NRG1: variants seen among roughly 807,000 people sequenced by gnomAD.
NRG1 encodes pro-neuregulin-1, membrane-bound isoform.
Under a neutral mutation model 63.8 loss-of-function variants are expected in NRG1, and 18 were observed. That is an observed-to-expected ratio of 0.28 (90% CI 0.19 to 0.42). The LOEUF (loss-of-function observed/expected upper bound fraction) is 0.42. NRG1 is among the 10% of genes least tolerant of loss of function. NRG1 has a pLI of 1.00. For missense variants in NRG1, 762 were observed against 814.7 expected (o/e 0.94, Z 0.79); for synonymous variants, 302 against 301.3 (o/e 1.00, Z -0.02).
At chr8:32,647,381 G>T in intron 5 of NRG1, 1 of 985,340 alleles carries the variant, frequency 1.0e-6, no homozygotes, top group Non-Finnish European at 1.2e-6. Flanking sequence ...TGGGCTACTG[G>T]TTTACTTAAT....
chr8:32,258,698 A>C (rs1264236684), intron 1 of NRG1, among the ~76,000 whole-genome samples: 2 of 152,302 alleles, frequency 1.3e-5, no homozygotes, highest in East Asian at 3.9e-4. Context: ...ACTCACTATC[A>C]CAAGGTTTTT....
chr8:32,453,384 A>T (rs1000226118), intron 1 of NRG1, among the ~76,000 whole-genome samples: 1 of 152,158 alleles, frequency 6.6e-6, no homozygotes. Flanking sequence ...CATGTTCATT[A>T]TTTCTGATTC....
intron 1 of NRG1, among the ~76,000 whole-genome samples, chr8:32,234,391 A>G (rs1246188140): frequency 6.6e-6 from 1 of 152,178 alleles, no homozygotes; most frequent in Non-Finnish European, 1.5e-5. Flanking sequence ...TAACCTTCAC[A>G]ACAATTCCAT....
chr8:31,853,923 T>C (rs1463518470), intron 1 of NRG1, among the ~76,000 whole-genome samples: 1 of 151,624 alleles, frequency 6.6e-6, no homozygotes, highest in Non-Finnish European at 1.5e-5. Context: ...TTTATTGATT[T>C]GCGTGTATTG....
At chr8:32,336,067 C>A (rs1803226159) in intron 1 of NRG1, among the ~76,000 whole-genome samples, 2 of 152,164 alleles carry the variant, frequency 1.3e-5, no homozygotes, top group African/African-American at 4.8e-5. Flanking sequence ...AACTATGAAG[C>A]AAGTGGCACC....
intron 1 of NRG1, among the ~76,000 whole-genome samples, chr8:32,285,445 A>T (rs1046108587): frequency 1.3e-5 from 2 of 152,176 alleles, no homozygotes; most frequent in Admixed American, 1.3e-4. Context: ...CTCCTCAGTG[A>T]TTATCTGGGA....
chr8:31,835,295 C>G (rs1344758649), intron 1 of NRG1, among the ~76,000 whole-genome samples: 2 of 152,196 alleles, frequency 1.3e-5, no homozygotes, highest in Admixed American at 1.3e-4. Flanking sequence ...AAGTCCTCCA[C>G]TAATTCTCAT....
intron 3 of NRG1, among the ~76,000 whole-genome samples, chr8:32,613,380 C>T (rs1588694045): frequency 6.6e-6 from 1 of 151,884 alleles, no homozygotes; most frequent in African/African-American, 2.4e-5. Flanking sequence ...ATCTTTTGTC[C>T]CTAGAGAAGC....
chr8:32,096,632 G>A (rs981644374), intron 1 of NRG1, among the ~76,000 whole-genome samples: 4 of 152,188 alleles, frequency 2.6e-5, no homozygotes, highest in African/African-American at 2.4e-5. Flanking sequence ...CATGGAGGAA[G>A]GTATAGAGAG....
chr8:32,603,696 T>C (rs7831064), intron 2 of NRG1, among the ~76,000 whole-genome samples: 69,331 of 151,910 alleles, frequency 0.46, 16,420 homozygotes, highest in Middle Eastern at 0.56. Context: ...AGGCTTGTCT[T>C]GAACTCCTGA....
intron 1 of NRG1, among the ~76,000 whole-genome samples, chr8:32,573,148 C>A (rs1838940171): frequency 6.6e-6 from 1 of 152,158 alleles, no homozygotes; most frequent in Admixed American, 6.6e-5. Flanking sequence ...TGTTCATAGA[C>A]CTCAAAATGC....
intron 7 of NRG1, among the ~76,000 whole-genome samples, chr8:32,743,461 T>G (rs1300698379): frequency 6.6e-6 from 1 of 150,792 alleles, no homozygotes; most frequent in African/African-American, 2.5e-5. Flanking sequence ...TACTGTTATT[T>G]GTTTAAATAT....
intron 1 of NRG1, among the ~76,000 whole-genome samples, chr8:31,980,725 G>A (rs1808928295): frequency 6.6e-6 from 1 of 151,988 alleles, no homozygotes; most frequent in African/African-American, 2.4e-5. Flanking sequence ...AGTTGGAAAT[G>A]AATGAAGTCC....
intron 1 of NRG1, among the ~76,000 whole-genome samples, chr8:31,691,752 C>T (rs764959740): frequency 2.0e-5 from 3 of 151,656 alleles, no homozygotes; most frequent in Non-Finnish European, 4.4e-5. Flanking sequence ...GCTGGTGTGG[C>T]TAATTCTTTG....
chr8:32,555,870 C>T (rs912396949), intron 1 of NRG1, among the ~76,000 whole-genome samples: 49 of 152,198 alleles, frequency 3.2e-4, no homozygotes, highest in African/African-American at 1.1e-3. Context: ...ATGAGTTACT[C>T]TCAGGATATT....
chr8:31,813,075 G>A (rs1197398702), intron 1 of NRG1, among the ~76,000 whole-genome samples: 2 of 152,070 alleles, frequency 1.3e-5, no homozygotes, highest in Non-Finnish European at 2.9e-5. Flanking sequence ...GCCCGTCATG[G>A]ATATACTATA....
At chr8:31,852,537 A>C (rs1256260623) in intron 1 of NRG1, among the ~76,000 whole-genome samples, 1 of 151,630 alleles carries the variant, frequency 6.6e-6, no homozygotes, top group East Asian at 1.9e-4. Context: ...AGGTTGCAAA[A>C]ATTTTCTCCC....
At chr8:32,634,810 C>G (rs1270264606) in intron 5 of NRG1, among the ~76,000 whole-genome samples, 2 of 152,094 alleles carry the variant, frequency 1.3e-5, no homozygotes, top group East Asian at 3.8e-4. Context: ...TACTTTGTAT[C>G]AGTATAAAGA....
chr8:32,452,916 C>T (rs1218890449), intron 1 of NRG1, among the ~76,000 whole-genome samples: 1 of 152,160 alleles, frequency 6.6e-6, no homozygotes, highest in African/African-American at 2.4e-5. Context: ...ATTCCCATAG[C>T]AATCTTTTCT....
Sources: allele counts gnomAD v4.1 joint callset (sites outside exome capture counted in the v4.1 genomes callset), GRCh38; gene constraint gnomAD v4.1.1; transcripts MANE v1.5; gene names NCBI Gene and HGNC (gene_info 2026-07-23, HGNC 2026-07-21).